CRTAM: variants seen among roughly 807,000 people sequenced by gnomAD.
CRTAM encodes the protein cytotoxic and regulatory T cell molecule.
CRTAM carries 44 observed loss-of-function variants against 50.0 expected under a neutral mutation model. The observed-to-expected ratio is 0.88, with a 90% CI of 0.69 to 1.13. The LOEUF (loss-of-function observed/expected upper bound fraction) is 1.13, where lower values mean the gene tolerates loss of function less well. CRTAM is among the 50% of genes most tolerant of loss of function. The pLI is 0.00. For synonymous variants in CRTAM, 159 were observed against 169.3 expected, an observed-to-expected ratio of 0.94 and a Z score of 0.47; for missense variants, 448 against 457.5, an observed-to-expected ratio of 0.98 and a Z score of 0.19.
chr11:122,850,236 A>T lies in CRTAM; in HGVS notation c.193+22A>T. On this transcript the variant is annotated intron_variant, in intron 2 of 9. Coordinates refer to ENST00000227348, the MANE Select transcript of CRTAM (RefSeq NM_019604.4). ...CCTGGTAAGTGAAAGAAAGAAAGAA[A>T]AAATGCCACCAGACCTTAACCTGAG... 3.2e-6 allele frequency: 5 copies of T among 1,578,066 alleles called. No homozygotes were observed. The South Asian group carries it at 4.5e-5, about 14-fold the overall frequency.
rs141406750 is a variant in CRTAM, at chr11:122,850,196, T to G, written c.175T>G (p.Phe59Val). 11 of 1,608,828 alleles carry G rather than the reference T, an allele frequency of 6.8e-6. No homozygotes were observed. Among genetic ancestry groups the G allele is most frequent in the Non-Finnish European group, 9.3e-6 (11 of 1,176,544 alleles). ...GCTGACCCCCTCAGGGTTCACCATT[T>G]TTTTAAATGAGTATCCTGGTAAGTG... ...QWLTPSGFTI[F>V]LNEYPALKNS... The change falls in exon 2 of 10, where the codon TTT becomes GTT. Residue 59 changes from phenylalanine to valine, a missense_variant. Physicochemically the swap from Phe to Val is conservative, Grantham distance 50 (BLOSUM62 -1). Coordinates refer to ENST00000227348, the MANE Select transcript of CRTAM (RefSeq NM_019604.4).
intron 1 of CRTAM, among the ~76,000 whole-genome samples, chr11:122,847,037 T>C (rs1407360110): frequency 6.6e-6 from 1 of 152,214 alleles, no homozygotes; most frequent in Non-Finnish European, 1.5e-5. Context: ...TTAAGCACTA[T>C]ATACCAAGTA....
In CRTAM at chr11:122,854,011, C is replaced by G; in HGVS notation, c.415C>G (p.Leu139Val). The change falls in exon 4 of 10, where the codon CTC becomes GTC. Residue 139 changes from leucine (L) to valine (V), a missense_variant. Physicochemically the swap from Leu to Val is conservative, Grantham distance 32. Coordinates refer to ENST00000227348, the MANE Select transcript of CRTAM (RefSeq NM_019604.4). ...GCAAAATGGAGAAGAACATGTTGTA[C>G]TCATGTGCTCCACCATGAGAAGCAA... ...RKQNGEEHVV[L>V]MCSTMRSKPP... 6.2e-7 allele frequency: 1 copy of G among 1,614,074 alleles called. No homozygotes were observed. Among genetic ancestry groups the G allele is most frequent in the Middle Eastern group, 1.6e-4 (1 of 6,062 alleles).
chr11:122,866,012 T>C (rs896461598), intron 7 of CRTAM, among the ~76,000 whole-genome samples: 1 of 152,202 alleles, frequency 6.6e-6, no homozygotes, highest in Non-Finnish European at 1.5e-5. Flanking sequence ...GGTTCACTTT[T>C]AGCACCCTAC....
chr11:122,849,064 C>G (rs1861899056), intron 1 of CRTAM, among the ~76,000 whole-genome samples: 1 of 152,158 alleles, frequency 6.6e-6, no homozygotes, highest in Admixed American at 6.5e-5. Context: ...CTGTGGAATA[C>G]TGAATTGAAT....
rs1862255753 is a variant in CRTAM at position 122,871,654 on chromosome 11, T to G, written c.*255T>G. On this transcript the variant is annotated 3_prime_UTR_variant, in exon 10 of 10. Transcript: ENST00000227348. ...CTGACACTACTTCAGAGCAGGAGGA[T>G]TCTACGAAGCCTTGGGGATCAGGGT... 4.2e-6 allele frequency: 1 copy of G among 240,646 alleles called. No homozygotes were observed. Among genetic ancestry groups the G allele is most frequent in the South Asian group, 1.3e-4 (1 of 7,724 alleles). The allele number at this position is 240,646 out of a possible 1,614,324, so 14.9% of individuals were successfully genotyped here.
intron 1 of CRTAM, among the ~76,000 whole-genome samples, chr11:122,844,380 CCAT>C (rs1193372067): frequency 6.6e-6 from 1 of 152,200 alleles, no homozygotes; most frequent in Non-Finnish European, 1.5e-5. Flanking sequence ...TCTGTTTAGA[CCAT>C]CATTTTACCA....
chr11:122,860,993 G>A lies in CRTAM; in HGVS notation c.653-1471G>A, dbSNP rs949835844. 4.6e-5 allele frequency among the ~76,000 whole-genome samples: 7 copies of A among 152,234 alleles called. No individual in the cohort carries two copies. The East Asian group carries it at 1.2e-3, about 25-fold the overall frequency. ...ATTACAGGCATGAACCATTGTGCCCGGCCCCATATTCTTCTTAAAATTTAT... is the reference window on the plus strand; with the variant it reads ...ATTACAGGCATGAACCATTGTGCCCAGCCCCATATTCTTCTTAAAATTTAT... On this transcript the variant is annotated intron_variant, in intron 5 of 9. Transcript: ENST00000227348.
chr11:122,845,740 G>A (rs1194082068), intron 1 of CRTAM, among the ~76,000 whole-genome samples: 25 of 151,704 alleles, frequency 1.6e-4, no homozygotes, highest in Admixed American at 1.6e-3. Context: ...AGGGACATAG[G>A]GTAGAATAGG....
rs1263045135 is a variant in CRTAM, at chr11:122,872,017, C to G, written c.*618C>G. The G allele has an allele frequency of 6.6e-6, 1 of 152,210 alleles. No individual in the cohort carries two copies. Among genetic ancestry groups the G allele is most frequent in the African/African-American group, 2.4e-5 (1 of 41,392 alleles). 9.4% of individuals were successfully genotyped at this position (152,210 alleles called of 1,614,324 possible). ...AGGCGTAGTGGTGCGCACCTGTAGTCTCAGATACTTGGGAGGCTGAGGGTG... is the reference window on the plus strand; with the variant it reads ...AGGCGTAGTGGTGCGCACCTGTAGTGTCAGATACTTGGGAGGCTGAGGGTG... On this transcript the variant is annotated 3_prime_UTR_variant, in exon 10 of 10. Transcript: ENST00000227348.
At chr11:122,854,856 C>T (rs73602764) in intron 4 of CRTAM, among the ~76,000 whole-genome samples, 1 of 151,928 alleles carries the variant, frequency 6.6e-6, no homozygotes, top group African/African-American at 2.4e-5. Flanking sequence ...AAAGGTTGAG[C>T]CTTTGAAACA....
intron 1 of CRTAM, among the ~76,000 whole-genome samples, chr11:122,839,092 C>T (rs912178650): frequency 6.6e-6 from 1 of 152,162 alleles, no homozygotes; most frequent in Admixed American, 6.5e-5. Flanking sequence ...CCACCACGCC[C>T]GGCTAATTTT....
At chr11:122,851,586 T>A (rs889137987) in intron 2 of CRTAM, 107 bp from the exon 3 acceptor site, 12 of 970,048 alleles carry the variant, frequency 1.2e-5, no homozygotes, top group Admixed American at 1.0e-4. Context: ...TAGTTTTGAT[T>A]GTGCCAAATG....
At chr11:122,870,032 G>A (rs1474312848) in intron 9 of CRTAM, among the ~76,000 whole-genome samples, 2 of 152,096 alleles carry the variant, frequency 1.3e-5, no homozygotes, top group Non-Finnish European at 2.9e-5. Flanking sequence ...AATTATGTCT[G>A]TTAGCTGGAA....
chr11:122,868,472 G>C (rs1227576668), intron 9 of CRTAM, among the ~76,000 whole-genome samples: 2 of 152,086 alleles, frequency 1.3e-5, no homozygotes, highest in Non-Finnish European at 2.9e-5. Flanking sequence ...CCAGCAGACA[G>C]ATCAACACAT....
rs1862266672 is a variant in CRTAM at position 122,872,334 on chromosome 11, T to C, written c.*935T>C. The C allele has an allele frequency of 6.6e-6, 1 of 152,320 alleles. No homozygotes were observed. The highest frequency in any genetic ancestry group is 2.4e-5 in the African/African-American group (1 of 41,566). The allele number at this position is 152,320 out of a possible 1,614,324, so 9.4% of individuals were successfully genotyped here. ...GATTACTAAATCACATGAGCGGACC[T>C]TGTCTGTCAGATAAGATTTTTACCT... is the stretch of plus-strand genomic sequence containing the variant. On this transcript the variant is annotated 3_prime_UTR_variant, in exon 10 of 10. Transcript: ENST00000227348.
chr11:122,863,357 A>G (rs1490534181), intron 6 of CRTAM, among the ~76,000 whole-genome samples: 1 of 151,240 alleles, frequency 6.6e-6, no homozygotes, highest in Non-Finnish European at 1.5e-5. Context: ...AAGAAAAAGA[A>G]AGAAAGAAAG....
chr11:122,847,801 A>G (rs916063958), intron 1 of CRTAM, among the ~76,000 whole-genome samples: 6 of 152,244 alleles, frequency 3.9e-5, no homozygotes, highest in African/African-American at 7.2e-5. Flanking sequence ...TAATGAAACT[A>G]GAGGCATAGC....
At chr11:122,860,369 C>T (rs952540830) in intron 5 of CRTAM, among the ~76,000 whole-genome samples, 3 of 152,054 alleles carry the variant, frequency 2.0e-5, no homozygotes, top group Non-Finnish European at 2.9e-5. Flanking sequence ...AATATATTTT[C>T]ATTTTAATTA....
Sources: gnomAD v4.1 joint callset for allele counts (sites outside exome capture counted in the v4.1 genomes callset) on GRCh38, gnomAD v4.1.1 for gene constraint, MANE v1.5 for transcripts, NCBI Gene and HGNC (gene_info 2026-07-23, HGNC 2026-07-21) for gene names.